Variants in OAF observed in about 807,000 individuals in gnomAD.
OAF encodes the protein out at first protein homolog.
A neutral mutation model predicts 22.5 loss-of-function variants in OAF; 13 were observed. The ratio of observed to expected loss-of-function variants is 0.58; its 90% CI spans 0.38 to 0.92. The LOEUF is 0.92. OAF is among the 40% of genes least tolerant of loss of function. OAF has a pLI of 0.00. For missense variants in OAF, 347 were observed against 381.8 expected (o/e 0.91, Z 0.76); for synonymous variants, 175 against 170.5 (o/e 1.03, Z -0.21).
intron 1 of OAF, among the ~76,000 whole-genome samples, chr11:120,216,788 G>A (rs1335963493): frequency 6.6e-6 from 1 of 152,202 alleles, no homozygotes; most frequent in Non-Finnish European, 1.5e-5. Context: ...GGCTTCCCAA[G>A]GCACAGAGAG....
Position 120,229,261 on chromosome 11 carries a change from G to C in OAF, c.*119G>C. On this transcript the variant is annotated 3_prime_UTR_variant, in exon 4 of 4. Transcript: ENST00000328965. ...CTCCCTCCCCACTCCCCTGGCCCTAGAGCCTGGGCCCCTCTGGCCCCATCT... is the reference window on the plus strand; with the variant it reads ...CTCCCTCCCCACTCCCCTGGCCCTACAGCCTGGGCCCCTCTGGCCCCATCT... 1.1e-6 allele frequency: 1 copy of C among 946,670 alleles called. No homozygotes were observed. The highest frequency in any genetic ancestry group is 1.6e-6 in the Non-Finnish European group (1 of 634,556). The allele number at this position is 946,670 out of a possible 1,614,324, so 58.6% of individuals were successfully genotyped here.
chr11:120,214,421 CAA>C (rs965251524), intron 1 of OAF, among the ~76,000 whole-genome samples: 1 of 152,204 alleles, frequency 6.6e-6, no homozygotes, highest in Admixed American at 6.5e-5. Flanking sequence ...AACTTGGACT[CAA>C]AGACATTGAA....
At chr11:120,227,422 G>C (rs1159275888) in intron 3 of OAF, among the ~76,000 whole-genome samples, 1 of 152,132 alleles carries the variant, frequency 6.6e-6, no homozygotes, top group African/African-American at 2.4e-5. Flanking sequence ...AGGCCCTGTG[G>C]AGGGAGATTC....
Position 120,211,186 on chromosome 11 carries a change from C to G in OAF, c.-94C>G. 2.6e-6 allele frequency: 2 copies of G among 782,534 alleles called. No homozygotes were observed. Among genetic ancestry groups the G allele is most frequent in the Non-Finnish European group, 3.3e-6 (2 of 603,832 alleles). The allele number at this position is 782,534 out of a possible 1,614,324, so 48.5% of individuals were successfully genotyped here. A position where few individuals can be genotyped will look rare whatever the true frequency, so the allele number is the denominator to read the frequency against. ...CCCGGCGGAGCGGCTCCCGGGCGCC[C>G]CGAACTAGCCCCCAACTTTGGGCGA... On this transcript the variant is annotated 5_prime_UTR_variant, in exon 1 of 4. Transcript: ENST00000328965.
At chr11:120,214,082 C>T (rs1216847072) in intron 1 of OAF, 1 of 151,914 alleles carries the variant, frequency 6.6e-6, no homozygotes, top group Non-Finnish European at 1.5e-5. Flanking sequence ...GTACCAAACT[C>T]ATTTGCAGTG....
chr11:120,228,859 C>T lies in OAF; in HGVS notation c.548-9C>T. 1.0e-6 allele frequency: 1 copy of T among 974,348 alleles called. No homozygotes were observed. The highest frequency in any genetic ancestry group is 1.5e-6 in the Non-Finnish European group (1 of 688,474). The allele number at this position is 974,348 out of a possible 1,614,324, so 60.4% of individuals were successfully genotyped here. A position where few individuals can be genotyped will look rare whatever the true frequency, so the allele number is the denominator to read the frequency against. ...CCCTCCCTCCCTGATCCTTGCCTCT[C>T]TCCCCCAGGTGTGGACAGTTCTGTG... On this transcript the variant is annotated splice_polypyrimidine_tract_variant and intron_variant, in intron 3 of 3. Coordinates refer to ENST00000328965, the MANE Select transcript of OAF (RefSeq NM_178507.4).
chr11:120,218,489 C>T (rs1938241013), intron 1 of OAF, among the ~76,000 whole-genome samples: 1 of 152,226 alleles, frequency 6.6e-6, no homozygotes, highest in Non-Finnish European at 1.5e-5. Context: ...AAGCCAGCCA[C>T]TTCTCTAGCC....
At chr11:120,224,653 C>T (rs749378572) in intron 1 of OAF, among the ~76,000 whole-genome samples, 12 of 152,170 alleles carry the variant, frequency 7.9e-5, no homozygotes, top group Non-Finnish European at 1.5e-4. Context: ...AGATGATCCA[C>T]AGAGCTGTCA....
At chr11:120,225,556 C>A in intron 1 of OAF, 105 bp from the exon 2 acceptor site, 2 of 970,580 alleles carry the variant, frequency 2.1e-6, no homozygotes, top group East Asian at 2.9e-5. Context: ...GTCTGTTGCC[C>A]GGCAGTGTCC....
At chr11:120,215,221 G>C (rs961099870) in intron 1 of OAF, among the ~76,000 whole-genome samples, 3 of 152,204 alleles carry the variant, frequency 2.0e-5, no homozygotes, top group African/African-American at 7.2e-5. Context: ...GGGCATGGTG[G>C]CATGCACCTG....
At chr11:120,213,020 C>A (rs1347012014) in intron 1 of OAF, among the ~76,000 whole-genome samples, 1 of 151,532 alleles carries the variant, frequency 6.6e-6, no homozygotes, top group African/African-American at 2.4e-5. Flanking sequence ...TGTCCAAGCC[C>A]TTTGTCCTTG....
chr11:120,216,093 G>A (rs1938208214), intron 1 of OAF, among the ~76,000 whole-genome samples: 1 of 152,180 alleles, frequency 6.6e-6, no homozygotes, highest in African/African-American at 2.4e-5. Flanking sequence ...ATGGAGGATG[G>A]AAGCTTGAGC....
At chr11:120,213,348 A>C (rs12793354) in intron 1 of OAF, among the ~76,000 whole-genome samples, 34,791 of 151,936 alleles carry the variant, frequency 0.23, 4,593 homozygotes, top group Middle Eastern at 0.34. Context: ...ATGCATCTGG[A>C]GATTGTGAGC....
chr11:120,218,220 T>C (rs1938237218), intron 1 of OAF, among the ~76,000 whole-genome samples: 1 of 152,026 alleles, frequency 6.6e-6, no homozygotes, highest in African/African-American at 2.4e-5. Flanking sequence ...GTTGTGCTAA[T>C]GCCCCAAGAC....
chr11:120,221,787 A>T (rs1938282929), intron 1 of OAF, among the ~76,000 whole-genome samples: 1 of 152,152 alleles, frequency 6.6e-6, no homozygotes, highest in South Asian at 2.1e-4. Flanking sequence ...CGTGGCCCAG[A>T]TCCTGGCCCT....
At chr11:120,226,624 G>C (rs919702912) in intron 2 of OAF, among the ~76,000 whole-genome samples, 192 bp from the exon 3 acceptor site, 2 of 152,230 alleles carry the variant, frequency 1.3e-5, no homozygotes, top group Non-Finnish European at 2.9e-5. Context: ...CTGGATAGAG[G>C]CTGAAAAGGC....
chr11:120,215,393 C>T (rs559857265), intron 1 of OAF, among the ~76,000 whole-genome samples: 2 of 152,230 alleles, frequency 1.3e-5, no homozygotes, highest in East Asian at 1.9e-4. Flanking sequence ...GGCGCAGTTG[C>T]TCTAGGGGAG....
intron 1 of OAF, among the ~76,000 whole-genome samples, chr11:120,224,638 T>C (rs973088500): frequency 1.3e-5 from 2 of 152,034 alleles, no homozygotes; most frequent in Admixed American, 1.3e-4. Flanking sequence ...GGCCCGGGCA[T>C]TAATAGATGA....
intron 1 of OAF, among the ~76,000 whole-genome samples, 191 bp from the exon 2 acceptor site, chr11:120,225,470 C>T (rs1014426640): frequency 6.6e-6 from 1 of 152,122 alleles, no homozygotes; most frequent in African/African-American, 2.4e-5. Flanking sequence ...TTTGGAACAT[C>T]TGGGGTGTGT....
Sources: gnomAD v4.1 joint callset for allele counts (sites outside exome capture counted in the v4.1 genomes callset) on GRCh38, gnomAD v4.1.1 for gene constraint, MANE v1.5 for transcripts, NCBI Gene and HGNC (gene_info 2026-07-23, HGNC 2026-07-21) for gene names.